Variants in CNTN1 observed in about 807,000 individuals in gnomAD.
CNTN1 encodes the protein contactin-1.
In CNTN1, 38 loss-of-function variants were observed where a neutral mutation model predicts 126.4. The ratio of observed to expected loss-of-function variants is 0.30; its 90% CI spans 0.23 to 0.39. CNTN1 has a LOEUF of 0.39. Ranked by LOEUF, CNTN1 falls within the 10% of genes least tolerant of loss-of-function variation. CNTN1 has a pLI of 1.00. For missense variants in CNTN1, 1,009 were observed against 1,248.4 expected, an observed-to-expected ratio of 0.81 and a Z score of 2.89; for synonymous variants, 413 against 422.6, an observed-to-expected ratio of 0.98 and a Z score of 0.28.
At chr12:40,988,172 CAT>C (rs1196898817) in intron 16 of CNTN1, among the ~76,000 whole-genome samples, 1 of 152,122 alleles carries the variant, frequency 6.6e-6, no homozygotes, top group Admixed American at 6.6e-5. Flanking sequence ...GGACCTGTAA[CAT>C]AAGACTGAGT....
Position 41,002,542 on chromosome 12 carries a change from A to C in CNTN1, c.2113+9273A>C, listed in dbSNP as rs541658279. Among the ~76,000 whole-genome samples, 10 of 149,916 alleles carry C rather than the reference A, an allele frequency of 6.7e-5. 1 individual carries two copies. Among genetic ancestry groups the C allele is most frequent in the Non-Finnish European group, 1.3e-4 (9 of 67,762 alleles). ...CAGCTTAAGAAGCTTTTGGGCTGAG[A>C]CTATAGGGTTTCTTTCTTTTTTTTT... is the stretch of plus-strand genomic sequence containing the variant. On this transcript the variant is annotated intron_variant, in intron 17 of 23. Coordinates refer to ENST00000551295, the MANE Select transcript of CNTN1 (RefSeq NM_001843.4).
chr12:41,035,574 T>A (rs1000699284), intron 23 of CNTN1, among the ~76,000 whole-genome samples: 1 of 152,162 alleles, frequency 6.6e-6, no homozygotes, highest in Non-Finnish European at 1.5e-5. Context: ...CAATTAGATT[T>A]AATAAAAACA....
chr12:40,963,518 C>T lies in CNTN1; in HGVS notation c.1804+4284C>T, dbSNP rs548164897. ...ATAGATTACTTAATATTTAAGAGGC[C>T]TTAAATATGTTGCGTTATGTTTAAA... On this transcript the variant is annotated intron_variant, in intron 15 of 23. Coordinates refer to ENST00000551295, the MANE Select transcript of CNTN1 (RefSeq NM_001843.4). 2.0e-5 allele frequency among the ~76,000 whole-genome samples: 3 copies of T among 151,354 alleles called. No homozygotes were observed. The South Asian group carries it at 6.3e-4, about 32-fold the overall frequency.
intron 1 of CNTN1, among the ~76,000 whole-genome samples, chr12:40,871,776 G>A (rs1052884590): frequency 6.6e-6 from 1 of 152,060 alleles, no homozygotes; most frequent in South Asian, 2.1e-4. Flanking sequence ...AAGATAATTT[G>A]AATACTCATC....
intron 17 of CNTN1, among the ~76,000 whole-genome samples, chr12:41,007,044 G>GTTT (rs1377932314): frequency 2.4e-5 from 3 of 123,490 alleles, no homozygotes; most frequent in African/African-American, 9.3e-5. Flanking sequence ...AGTTTTGTGT[G>GTTT]GTTTTTTTTT....
At chr12:40,739,541 C>T (rs968241590) in intron 1 of CNTN1, among the ~76,000 whole-genome samples, 1 of 151,982 alleles carries the variant, frequency 6.6e-6, no homozygotes, top group African/African-American at 2.4e-5. Context: ...AATATTTATT[C>T]ATTGTTTATC....
At chr12:40,861,146 A>G (rs312283) in intron 1 of CNTN1, among the ~76,000 whole-genome samples, 36,861 of 152,044 alleles carry the variant, frequency 0.24, 4,956 homozygotes, top group South Asian at 0.35. Context: ...ATTGAAGCCT[A>G]TTTGCTAACT....
At chr12:40,755,190 C>CAAAAAAAAA (rs557970110) in intron 1 of CNTN1, among the ~76,000 whole-genome samples, 18 of 78,202 alleles carry the variant, frequency 2.3e-4, no homozygotes, top group African/African-American at 5.5e-4. Context: ...GACCCCACCT[C>CAAAAAAAAA]AAAAAAAAAA....
At position 41,063,062 on chromosome 12, in the gene CNTN1, C is replaced by G. The variant is rs573421159; in HGVS notation, c.2981-6897C>G. 7.2e-5 allele frequency among the ~76,000 whole-genome samples: 11 copies of G among 152,314 alleles called. 1 individual carries two copies. Among genetic ancestry groups the G allele is most frequent in the Middle Eastern group, 6.8e-3 (2 of 294 alleles). The stretch of plus-strand genomic sequence containing the variant: ...AAATTTGCAAAGTGGCAAACTCACA[C>G]CAGGCCTTTCTGTACAAATAAATAA... On this transcript the variant is annotated intron_variant, in intron 23 of 23. Coordinates refer to ENST00000551295, the MANE Select transcript of CNTN1 (RefSeq NM_001843.4).
intron 1 of CNTN1, among the ~76,000 whole-genome samples, chr12:40,801,668 G>T (rs373780033): frequency 3.3e-5 from 5 of 151,920 alleles, no homozygotes; most frequent in Middle Eastern, 3.4e-3. Context: ...TGGTGAAGGA[G>T]GGGGAAAGAG....
At chr12:40,824,209 T>A (rs980086919) in intron 1 of CNTN1, among the ~76,000 whole-genome samples, 2 of 152,138 alleles carry the variant, frequency 1.3e-5, no homozygotes, top group Admixed American at 1.3e-4. Context: ...AGATTCTATA[T>A]AATTTTGCCG....
At chr12:40,815,826 T>C (rs4399389) in intron 1 of CNTN1, among the ~76,000 whole-genome samples, 96,710 of 152,028 alleles carry the variant, frequency 0.64, 31,062 homozygotes, top group East Asian at 0.77. Flanking sequence ...TATGTTCCAT[T>C]AATACTTAGT....
At chr12:40,747,142 T>G (rs1194454776) in intron 1 of CNTN1, among the ~76,000 whole-genome samples, 2 of 152,162 alleles carry the variant, frequency 1.3e-5, no homozygotes, top group African/African-American at 4.8e-5. Context: ...TCATTCTGTC[T>G]CTATCATTTA....
intron 1 of CNTN1, among the ~76,000 whole-genome samples, chr12:40,888,095 C>T (rs1303937781): frequency 6.6e-6 from 1 of 151,902 alleles, no homozygotes; most frequent in Non-Finnish European, 1.5e-5. Flanking sequence ...AGTACACCAA[C>T]ATGGCACATG....
Position 40,831,014 on chromosome 12 carries a change from A to T in CNTN1, c.-76-77343A>T, listed in dbSNP as rs12309009. The stretch of plus-strand genomic sequence containing the variant: ...AAACATATATACTATAAGTTAATAT[A>T]TAGTATAGTATATATATTTACAGTA... On this transcript the variant is annotated intron_variant, in intron 1 of 23. Transcript: ENST00000551295. 7.2e-3 allele frequency among the ~76,000 whole-genome samples: 1,014 copies of T among 141,462 alleles called. 19 individuals are homozygous for T. The highest frequency in any genetic ancestry group is 0.025 in the African/African-American group (947 of 37,638). 92.8% of individuals were successfully genotyped at this position (141,462 alleles called of 152,430 possible).
At chr12:40,733,542 A>C (rs1942549120) in intron 1 of CNTN1, among the ~76,000 whole-genome samples, 1 of 151,910 alleles carries the variant, frequency 6.6e-6, no homozygotes, top group Non-Finnish European at 1.5e-5. Context: ...GCATCATGAG[A>C]TAAAGAAAGG....
At chr12:40,799,676 G>C (rs902805907) in intron 1 of CNTN1, among the ~76,000 whole-genome samples, 5 of 151,986 alleles carry the variant, frequency 3.3e-5, no homozygotes, top group African/African-American at 7.2e-5. Flanking sequence ...CTCTGTACTA[G>C]ATGTGTACAA....
chr12:40,822,403 C>A (rs1303542489), intron 1 of CNTN1, among the ~76,000 whole-genome samples: 1 of 151,680 alleles, frequency 6.6e-6, no homozygotes, highest in African/African-American at 2.4e-5. Context: ...GATCCGCTCG[C>A]CTCGGGCTCC....
intron 1 of CNTN1, among the ~76,000 whole-genome samples, chr12:40,735,729 G>A (rs1937646479): frequency 6.6e-6 from 1 of 152,072 alleles, no homozygotes; most frequent in Non-Finnish European, 1.5e-5. Flanking sequence ...TCAGCGTGCA[G>A]GAAGATACTG....
Sources: allele counts gnomAD v4.1 joint callset (sites outside exome capture counted in the v4.1 genomes callset), GRCh38; gene constraint gnomAD v4.1.1; transcripts MANE v1.5; gene names NCBI Gene and HGNC (gene_info 2026-07-23, HGNC 2026-07-21).